QTMAN: variants seen among roughly 807,000 people sequenced by gnomAD.
QTMAN encodes queuosine-tRNA mannosyltransferase.
the QTMAN span, chr2:143,970,837 A>G: frequency 1.7e-4 from 140 of 811,462 alleles, 1 homozygote; most frequent in East Asian, 3.4e-3. Context: ...CACTTCCTAC[A>G]GTATCAATTT....
At chr2:143,958,870 A>C in the QTMAN span, among the ~76,000 whole-genome samples, 1 of 146,364 alleles carries the variant, frequency 6.8e-6, no homozygotes, top group Non-Finnish European at 1.5e-5. Context: ...TTGCTGACTC[A>C]CTTTATAATC....
the QTMAN span, among the ~76,000 whole-genome samples, chr2:143,989,937 C>T: frequency 4.6e-5 from 7 of 152,074 alleles, no homozygotes; most frequent in Admixed American, 2.6e-4. Context: ...ATCCCTGAAT[C>T]GATTATCCTT....
chr2:144,199,752 C>A, the QTMAN span, among the ~76,000 whole-genome samples: 1 of 152,132 alleles, frequency 6.6e-6, no homozygotes. Context: ...AGAGACATGA[C>A]AAATTCCTTA....
the QTMAN span, among the ~76,000 whole-genome samples, chr2:144,215,730 C>T: frequency 2.0e-5 from 3 of 152,142 alleles, no homozygotes; most frequent in Admixed American, 1.3e-4. Context: ...ACAAATGTGG[C>T]AGCATATTTA....
At chr2:144,067,350 T>C in the QTMAN span, among the ~76,000 whole-genome samples, 5 of 152,248 alleles carry the variant, frequency 3.3e-5, no homozygotes, top group Admixed American at 3.3e-4. Context: ...AAGAAATTAT[T>C]TCCCCTCATC....
chr2:144,279,315 C>A, the QTMAN span, among the ~76,000 whole-genome samples: 1 of 151,134 alleles, frequency 6.6e-6, no homozygotes, highest in Non-Finnish European at 1.5e-5. Flanking sequence ...TCAGACCCAC[C>A]CCGCTTCCCT....
At chr2:144,170,213 G>C in the QTMAN span, among the ~76,000 whole-genome samples, 4 of 152,058 alleles carry the variant, frequency 2.6e-5, no homozygotes, top group Non-Finnish European at 5.9e-5. Context: ...CATATATAAT[G>C]CTTTATTAAT....
the QTMAN span, among the ~76,000 whole-genome samples, chr2:144,175,213 C>G: frequency 6.6e-6 from 1 of 152,034 alleles, no homozygotes; most frequent in Non-Finnish European, 1.5e-5. Flanking sequence ...AGCAAAGGAA[C>G]AAAGAACAAG....
the QTMAN span, among the ~76,000 whole-genome samples, chr2:144,285,086 A>G: frequency 1.3e-4 from 20 of 152,080 alleles, no homozygotes; most frequent in South Asian, 1.2e-3. Context: ...ACCTAGGCAA[A>G]AGAGCGAGAC....
At chr2:144,191,074 G>A in the QTMAN span, among the ~76,000 whole-genome samples, 6 of 152,152 alleles carry the variant, frequency 3.9e-5, no homozygotes, top group Non-Finnish European at 7.4e-5. Flanking sequence ...CTCTGCCAAT[G>A]AACTAACAAA....
the QTMAN span, among the ~76,000 whole-genome samples, chr2:144,217,609 T>G: frequency 6.6e-6 from 1 of 152,286 alleles, no homozygotes; most frequent in East Asian, 1.9e-4. Flanking sequence ...AATTTTTTTG[T>G]TAGAATCTCT....
At chr2:144,174,899 T>C in the QTMAN span, among the ~76,000 whole-genome samples, 1 of 152,160 alleles carries the variant, frequency 6.6e-6, no homozygotes, top group Non-Finnish European at 1.5e-5. Flanking sequence ...AGTATGAAAA[T>C]GGACTAATAC....
At chr2:144,141,907 G>C in the QTMAN span, 31 of 1,610,986 alleles carry the variant, frequency 1.9e-5, no homozygotes, top group Admixed American at 2.2e-4. Context: ...AACCTGATGG[G>C]AAAGTAAATA....
At chr2:143,991,922 C>A in the QTMAN span, among the ~76,000 whole-genome samples, 33 of 150,624 alleles carry the variant, frequency 2.2e-4, 1 homozygote, top group African/African-American at 6.3e-4. Flanking sequence ...GGGGGTCAGC[C>A]CCCCGCCCGG....
chr2:144,246,920 C>T, the QTMAN span, among the ~76,000 whole-genome samples: 1 of 152,172 alleles, frequency 6.6e-6, no homozygotes, highest in Non-Finnish European at 1.5e-5. Flanking sequence ...GACAATGGAA[C>T]ATAAGCATTT....
At chr2:144,246,760 G>A in the QTMAN span, among the ~76,000 whole-genome samples, 137 of 151,952 alleles carry the variant, frequency 9.0e-4, no homozygotes, top group African/African-American at 3.1e-3. Context: ...CTGGCTTTTC[G>A]AGTCCCTCTG....
At chr2:144,195,647 C>A in the QTMAN span, among the ~76,000 whole-genome samples, 3 of 152,080 alleles carry the variant, frequency 2.0e-5, no homozygotes, top group Non-Finnish European at 4.4e-5. Flanking sequence ...TACGTATGTG[C>A]ATTTTCCTTT....
At chr2:143,980,996 TTTC>T in the QTMAN span, among the ~76,000 whole-genome samples, 1 of 152,202 alleles carries the variant, frequency 6.6e-6, no homozygotes, top group Admixed American at 6.5e-5. Context: ...CACATTCTCT[TTTC>T]TTCTCTGCCA....
the QTMAN span, among the ~76,000 whole-genome samples, chr2:144,325,177 C>T: frequency 6.6e-6 from 1 of 152,200 alleles, no homozygotes; most frequent in African/African-American, 2.4e-5. Flanking sequence ...CTTTTATAAC[C>T]TGCTGTAACT....
Sources: allele counts gnomAD v4.1 joint callset (sites outside exome capture counted in the v4.1 genomes callset), GRCh38; gene constraint gnomAD v4.1.1; transcripts MANE v1.5; gene names NCBI Gene and HGNC (gene_info 2026-07-23, HGNC 2026-07-21).